Variants in TRIM44 observed in about 807,000 individuals in gnomAD.
TRIM44 encodes tripartite motif containing 44, also known as tripartite motif-containing protein 44.
Under a neutral mutation model 37.4 loss-of-function variants are expected in TRIM44, and 13 were observed. The observed-to-expected ratio is 0.35, with a 90% CI of 0.23 to 0.55. The LOEUF is 0.55. Among genes scored for constraint, TRIM44 ranks in the 20% least tolerant of loss-of-function variants. The probability of loss-of-function intolerance (pLI) is 0.89; values close to 1 mark genes in which losing one functional copy is unlikely to be tolerated. For missense variants in TRIM44, 426 were observed against 437.2 expected, an observed-to-expected ratio of 0.97 and a Z score of 0.23; for synonymous variants, 175 against 157.2, an observed-to-expected ratio of 1.11 and a Z score of -0.85.
intron 4 of TRIM44, among the ~76,000 whole-genome samples, chr11:35,759,524 T>A (rs1852694343): frequency 6.6e-6 from 1 of 152,274 alleles, no homozygotes; most frequent in Admixed American, 6.5e-5. Context: ...TCTGTCCAGC[T>A]TTGTTCCGTT....
intron 3 of TRIM44, among the ~76,000 whole-genome samples, chr11:35,731,617 T>C (rs1175922007): frequency 1.3e-5 from 2 of 152,168 alleles, no homozygotes; most frequent in African/African-American, 2.4e-5. Context: ...TATTTTTTTT[T>C]CTCACTGTTT....
intron 4 of TRIM44, among the ~76,000 whole-genome samples, chr11:35,800,295 T>C (rs774322366): frequency 1.3e-5 from 2 of 152,160 alleles, no homozygotes; most frequent in Non-Finnish European, 2.9e-5. Context: ...AGATTTATTA[T>C]GAAGAGCGAA....
intron 4 of TRIM44, among the ~76,000 whole-genome samples, chr11:35,783,580 A>G (rs896526444): frequency 2.0e-5 from 3 of 152,162 alleles, no homozygotes; most frequent in African/African-American, 7.2e-5. Context: ...GCTTCATTCT[A>G]ATTTATGCTG....
rs578044354 is a variant in TRIM44, at chr11:35,758,490, C to T, written c.1007+23045C>T. On this transcript the variant is annotated intron_variant, in intron 4 of 4. Transcript: ENST00000299413. ...TGTGTCTTTTAATTGGAGCATTTAG[C>T]CCATTTACATTTAAGATTAATATTG... 2.6e-5 allele frequency among the ~76,000 whole-genome samples: 4 copies of T among 152,212 alleles called. No individual in the cohort carries two copies. In the South Asian group the frequency reaches 6.2e-4, roughly 24 times the overall value.
intron 2 of TRIM44, among the ~76,000 whole-genome samples, chr11:35,720,813 G>A (rs1852097815): frequency 6.6e-6 from 1 of 151,374 alleles, no homozygotes; most frequent in African/African-American, 2.4e-5. Context: ...TCTTTAGCCT[G>A]TTGATGTAGA....
At chr11:35,786,247 T>G (rs566822015) in intron 4 of TRIM44, among the ~76,000 whole-genome samples, 1 of 152,238 alleles carries the variant, frequency 6.6e-6, no homozygotes, top group Non-Finnish European at 1.5e-5. Context: ...TAGGTCTTAC[T>G]GGATGCATTT....
At chr11:35,694,888 G>A (rs898098119) in intron 2 of TRIM44, among the ~76,000 whole-genome samples, 1 of 152,058 alleles carries the variant, frequency 6.6e-6, no homozygotes, top group African/African-American at 2.4e-5. Context: ...ACTGTCCTCA[G>A]TGAACCATAA....
rs11033241 is a variant in TRIM44, at chr11:35,691,880, C to T, written c.747+6544C>T. 0.014 allele frequency among the ~76,000 whole-genome samples: 2,112 copies of T among 152,230 alleles called. 120 individuals carry two copies. The East Asian group carries it at 0.14, about 10-fold the overall frequency. On this transcript the variant is annotated intron_variant, in intron 2 of 4. Transcript: ENST00000299413. ...CAGAATGGTCTCGATCTCCTGACCT[C>T]GTGATCCACCTGTCTTGGCCTCCCA...
At chr11:35,753,266 A>G (rs1196106076) in intron 4 of TRIM44, among the ~76,000 whole-genome samples, 2 of 152,230 alleles carry the variant, frequency 1.3e-5, no homozygotes, top group African/African-American at 4.8e-5. Context: ...TGTTATAGAC[A>G]TGGAAGAGAA....
chr11:35,677,033 C>G (rs1851466703), intron 1 of TRIM44, among the ~76,000 whole-genome samples: 1 of 152,076 alleles, frequency 6.6e-6, no homozygotes, highest in Non-Finnish European at 1.5e-5. Context: ...GGTTTGTGGC[C>G]AGGTCCTTTT....
intron 2 of TRIM44, among the ~76,000 whole-genome samples, chr11:35,698,075 G>A (rs1010730715): frequency 5.3e-5 from 8 of 151,994 alleles, no homozygotes; most frequent in Non-Finnish European, 1.2e-4. Flanking sequence ...CACCAACAGT[G>A]TAAAAGTGTT....
chr11:35,685,125 C>A, intron 1 of TRIM44, 134 bp from the exon 2 acceptor site: 1 of 662,238 alleles, frequency 1.5e-6, no homozygotes, highest in Non-Finnish European at 2.7e-6. Flanking sequence ...GGCAATGCAC[C>A]TCTCCTTTGT....
chr11:35,758,097 G>A (rs550638158), intron 4 of TRIM44, among the ~76,000 whole-genome samples: 1 of 152,072 alleles, frequency 6.6e-6, no homozygotes, highest in African/African-American at 2.4e-5. Flanking sequence ...TTGACAGTGG[G>A]GTGTTAAAGT....
chr11:35,794,950 G>T (rs1026965434), intron 4 of TRIM44, among the ~76,000 whole-genome samples: 4 of 152,196 alleles, frequency 2.6e-5, no homozygotes, highest in African/African-American at 9.7e-5. Context: ...GCAATTTAGT[G>T]TAATAGTACA....
intron 3 of TRIM44, among the ~76,000 whole-genome samples, chr11:35,729,621 A>T (rs1852227786): frequency 6.6e-6 from 1 of 152,030 alleles, no homozygotes; most frequent in South Asian, 2.1e-4. Context: ...CTCCTCCCCA[A>T]CTAGCTCTGT....
At chr11:35,716,683 T>C (rs977791087) in intron 2 of TRIM44, among the ~76,000 whole-genome samples, 1 of 152,140 alleles carries the variant, frequency 6.6e-6, no homozygotes, top group African/African-American at 2.4e-5. Context: ...AAAACTTGAC[T>C]CCAGAGTTTG....
In TRIM44 at chr11:35,751,227, A is replaced by G. The variant is rs375639420; in HGVS notation, c.1007+15782A>G. On this transcript the variant is annotated intron_variant, in intron 4 of 4. Coordinates refer to ENST00000299413, the MANE Select transcript of TRIM44 (RefSeq NM_017583.6). ...TTAAGTCATTGCATAAAGTGGGCCA[A>G]TCCTTCTATGTCTTGATAGTGCCTC... Among the ~76,000 whole-genome samples the G allele has an allele frequency of 3.3e-5, 5 of 152,326 alleles. No individual in the cohort carries two copies. In the East Asian group the frequency reaches 5.8e-4, roughly 18 times the overall value.
intron 2 of TRIM44, among the ~76,000 whole-genome samples, chr11:35,709,591 C>T (rs1288670764): frequency 1.3e-5 from 2 of 152,140 alleles, no homozygotes; most frequent in Admixed American, 6.6e-5. Flanking sequence ...GCCCAGTTTC[C>T]GTCATGACTT....
At chr11:35,733,659 A>G (rs763065199) in intron 3 of TRIM44, among the ~76,000 whole-genome samples, 3 of 152,256 alleles carry the variant, frequency 2.0e-5, no homozygotes, top group South Asian at 4.1e-4. Context: ...ATTCGACCTC[A>G]AATGGCTAGT....
Sources: allele counts gnomAD v4.1 joint callset (sites outside exome capture counted in the v4.1 genomes callset), GRCh38; gene constraint gnomAD v4.1.1; transcripts MANE v1.5; gene names NCBI Gene and HGNC (gene_info 2026-07-23, HGNC 2026-07-21).